CTNNA3: variants seen among roughly 807,000 people sequenced by gnomAD.
CTNNA3 encodes the protein catenin alpha 3.
Under a neutral mutation model 95.7 loss-of-function variants are expected in CTNNA3, and 76 were observed. The ratio of observed to expected loss-of-function variants is 0.79; its 90% CI spans 0.66 to 0.96. CTNNA3 has a LOEUF of 0.96. Ranked by LOEUF, CTNNA3 falls within the 40% of genes least tolerant of loss-of-function variation. The pLI is 0.00. For missense variants in CTNNA3, 1,191 were observed against 1,089.8 expected (o/e 1.09, Z -1.31); for synonymous variants, 431 against 374.4 (o/e 1.15, Z -1.74).
intron 7 of CTNNA3, among the ~76,000 whole-genome samples, chr10:67,144,263 A>G (rs1451070234): frequency 6.6e-6 from 1 of 152,218 alleles, no homozygotes; most frequent in African/African-American, 2.4e-5. Context: ...TCATTTATAG[A>G]GGACAGTGTG....
At chr10:66,717,872 C>G (rs546285642) in intron 9 of CTNNA3, among the ~76,000 whole-genome samples, 1 of 152,280 alleles carries the variant, frequency 6.6e-6, no homozygotes, top group East Asian at 1.9e-4. Context: ...GGCTACTCAG[C>G]CATGGCTTCT....
At chr10:66,404,357 G>C (rs79243300) in intron 11 of CTNNA3, among the ~76,000 whole-genome samples, 7 of 152,044 alleles carry the variant, frequency 4.6e-5, no homozygotes, top group African/African-American at 1.7e-4. Context: ...AATTAAACTC[G>C]TTCACTACTG....
At chr10:66,978,079 C>T (rs1850163223) in intron 7 of CTNNA3, among the ~76,000 whole-genome samples, 1 of 151,730 alleles carries the variant, frequency 6.6e-6, no homozygotes, top group African/African-American at 2.4e-5. Context: ...CACACACACA[C>T]ACACACACAC....
At chr10:66,679,052 A>G (rs76949052) in intron 9 of CTNNA3, among the ~76,000 whole-genome samples, 8 of 152,140 alleles carry the variant, frequency 5.3e-5, no homozygotes, top group Non-Finnish European at 1.5e-5. Context: ...AATATGGTCA[A>G]TGTTTTGTTT....
At chr10:66,466,002 T>G (rs1838897045) in intron 11 of CTNNA3, among the ~76,000 whole-genome samples, 1 of 152,130 alleles carries the variant, frequency 6.6e-6, no homozygotes, top group African/African-American at 2.4e-5. Context: ...TAAACATGTC[T>G]GGATGTTGCT....
chr10:67,090,911 T>C (rs1857594446), intron 7 of CTNNA3, among the ~76,000 whole-genome samples: 1 of 152,026 alleles, frequency 6.6e-6, no homozygotes, highest in Non-Finnish European at 1.5e-5. Flanking sequence ...ACACTATTTA[T>C]CTCATATAGC....
intron 7 of CTNNA3, among the ~76,000 whole-genome samples, chr10:67,027,259 A>T (rs377102077): frequency 9.9e-5 from 15 of 152,268 alleles, no homozygotes; most frequent in African/African-American, 3.6e-4. Flanking sequence ...GATAGAGCTG[A>T]ATGAGTCACC....
At chr10:65,924,884 G>A (rs1453701672) in intron 17 of CTNNA3, among the ~76,000 whole-genome samples, 2 of 152,188 alleles carry the variant, frequency 1.3e-5, no homozygotes, top group Non-Finnish European at 2.9e-5. Context: ...AGGCAAGAGA[G>A]TGTGTGCAGA....
At chr10:66,383,767 C>T (rs1202686155) in intron 11 of CTNNA3, among the ~76,000 whole-genome samples, 2 of 152,150 alleles carry the variant, frequency 1.3e-5, no homozygotes, top group Admixed American at 6.5e-5. Flanking sequence ...ACCCTACAAG[C>T]CAGAAGAGAG....
chr10:66,786,837 C>T lies in CTNNA3; in HGVS notation c.1048-11313G>A, dbSNP rs548686304. On this transcript the variant is annotated intron_variant, in intron 7 of 17. Transcript: ENST00000433211. ...TAGAATATTGACCATTCTTAGAGGG[C>T]AGGCCTGACAGTGGTGTTCAAGTCA... 2.6e-5 allele frequency among the ~76,000 whole-genome samples: 4 copies of T among 152,142 alleles called. No individual in the cohort carries two copies. In the East Asian group the frequency reaches 7.7e-4, roughly 29 times the overall value.
At chr10:67,365,174 G>A (rs1423738107) in intron 5 of CTNNA3, among the ~76,000 whole-genome samples, 1 of 151,430 alleles carries the variant, frequency 6.6e-6, no homozygotes, top group African/African-American at 2.4e-5. Flanking sequence ...CGAACCATAT[G>A]TAGAAAGCTG....
intron 7 of CTNNA3, among the ~76,000 whole-genome samples, chr10:66,907,008 A>C (rs185049356): frequency 6.6e-6 from 1 of 152,284 alleles, no homozygotes; most frequent in Non-Finnish European, 1.5e-5. Context: ...AAAACATTAA[A>C]ATATAGAATT....
At chr10:67,075,906 A>C (rs1856723454) in intron 7 of CTNNA3, among the ~76,000 whole-genome samples, 1 of 152,246 alleles carries the variant, frequency 6.6e-6, no homozygotes. Flanking sequence ...TGGAGCATGG[A>C]AAGAATCCAG....
chr10:67,350,374 C>A (rs1247100167), intron 5 of CTNNA3, among the ~76,000 whole-genome samples: 1 of 151,918 alleles, frequency 6.6e-6, no homozygotes, highest in Non-Finnish European at 1.5e-5. Flanking sequence ...GGAGGGGAAA[C>A]TTGTTGCTTT....
intron 12 of CTNNA3, among the ~76,000 whole-genome samples, chr10:66,315,451 G>C (rs2092087902): frequency 1.3e-5 from 2 of 152,018 alleles, no homozygotes; most frequent in South Asian, 2.1e-4. Context: ...AAGTATTAAA[G>C]GGCTCTGTGT....
intron 10 of CTNNA3, among the ~76,000 whole-genome samples, chr10:66,570,382 G>A (rs1028384326): frequency 1.3e-5 from 2 of 151,972 alleles, no homozygotes; most frequent in Non-Finnish European, 2.9e-5. Context: ...TCTGCCTCCC[G>A]GGTTCAAGCG....
chr10:66,498,367 T>C (rs1023154731), intron 11 of CTNNA3, among the ~76,000 whole-genome samples: 18 of 152,256 alleles, frequency 1.2e-4, no homozygotes, highest in African/African-American at 4.1e-4. Flanking sequence ...CTAAAACATA[T>C]GACAATTCAA....
At chr10:67,725,922 T>C (rs1368210996) in intron 1 of CTNNA3, among the ~76,000 whole-genome samples, 2 of 71,788 alleles carry the variant, frequency 2.8e-5, no homozygotes, top group African/African-American at 7.7e-5. Flanking sequence ...TTGTACATAA[T>C]ATATAATTAT....
chr10:66,080,969 A>G (rs2080737757), intron 14 of CTNNA3, among the ~76,000 whole-genome samples: 1 of 152,186 alleles, frequency 6.6e-6, no homozygotes, highest in African/African-American at 2.4e-5. Context: ...CTGGGACAAG[A>G]TGTACATCAC....
Sources: allele counts gnomAD v4.1 joint callset (sites outside exome capture counted in the v4.1 genomes callset), GRCh38; gene constraint gnomAD v4.1.1; transcripts MANE v1.5; gene names NCBI Gene and HGNC (gene_info 2026-07-23, HGNC 2026-07-21).